LYST: variants seen among roughly 807,000 people sequenced by gnomAD.
LYST encodes the protein lysosomal trafficking regulator, also known as lysosomal-trafficking regulator.
In LYST, 192 loss-of-function variants were observed where a neutral mutation model predicts 413.6. That is an observed-to-expected ratio of 0.46 (90% CI 0.41 to 0.52). The LOEUF is 0.52. Among genes scored for constraint, LYST ranks in the 20% least tolerant of loss-of-function variants. The pLI is 0.00. For synonymous variants in LYST, 1,525 were observed against 1,567.3 expected (o/e 0.97, Z 0.64); for missense variants, 3,815 against 4,499.9 (o/e 0.85, Z 4.35).
intron 28 of LYST, among the ~76,000 whole-genome samples, chr1:235,747,545 G>T (rs1666047851): frequency 6.6e-6 from 1 of 151,142 alleles, no homozygotes; most frequent in African/African-American, 2.4e-5. Flanking sequence ...AAAAAAAAAA[G>T]AAAATACAAA....
chr1:235,783,058 G>T (rs1024155487), intron 14 of LYST, among the ~76,000 whole-genome samples: 1 of 152,156 alleles, frequency 6.6e-6, no homozygotes, highest in African/African-American at 2.4e-5. Context: ...TGAAACCACA[G>T]AGCTCTACCC....
Position 235,664,207 on chromosome 1 carries a change from G to T in LYST, c.11196-152C>A. ...TCTAGGGAGTTTGCAGGGGGTAGAT[G>T]TGGGAATAAGAGAACTTTTAACTTT... On this transcript the variant is annotated intron_variant, in intron 51 of 52. Coordinates refer to ENST00000389793, the MANE Select transcript of LYST (RefSeq NM_000081.4). The surrounding 1 kb of genome is among the most constrained non-coding windows in gnomAD (Gnocchi z 4.5). 1 of 729,210 alleles carries T rather than the reference G, an allele frequency of 1.4e-6. No individual in the cohort carries two copies. Among genetic ancestry groups the T allele is most frequent in the Non-Finnish European group, 2.4e-6 (1 of 424,470 alleles). 45.2% of individuals were successfully genotyped at this position (729,210 alleles called of 1,614,324 possible). A position where few individuals can be genotyped will look rare whatever the true frequency, so the allele number is the denominator to read the frequency against.
At chr1:235,847,338 G>A (rs1428610268) in intron 1 of LYST, among the ~76,000 whole-genome samples, 1 of 152,052 alleles carries the variant, frequency 6.6e-6, no homozygotes, top group East Asian at 1.9e-4. Flanking sequence ...GAGAGAATTC[G>A]CCATCACCAA....
At chr1:235,776,981 G>A (rs1669321580) in intron 17 of LYST, 82 bp downstream of exon 17, 1 of 1,255,060 alleles carries the variant, frequency 8.0e-7, no homozygotes, top group Non-Finnish European at 1.1e-6. Context: ...GCTTTTTCGT[G>A]TGGTCCAAAA....
chr1:235,834,914 C>A (rs1244024231), intron 1 of LYST, among the ~76,000 whole-genome samples: 1 of 151,970 alleles, frequency 6.6e-6, no homozygotes, highest in Non-Finnish European at 1.5e-5. Context: ...TAATCAATAT[C>A]ATGCAAATTT....
At chr1:235,753,887 C>G (rs1016665258) in intron 25 of LYST, among the ~76,000 whole-genome samples, 7 of 152,086 alleles carry the variant, frequency 4.6e-5, no homozygotes, top group African/African-American at 1.7e-4. Flanking sequence ...ATTGAAACTA[C>G]CATAACAATT....
chr1:235,664,051 A>G lies in LYST; in HGVS notation c.11200T>C (p.Trp3734Arg). Residue 3734 changes from tryptophan (W) to arginine (R), a missense_variant, in exon 52 of 53, where the codon TGG becomes CGG. Transcript: ENST00000389793. The surrounding 1 kb of genome is among the most constrained non-coding windows in gnomAD (Gnocchi z 4.5). Reference sequence around the variant, plus strand: ...ACAGGCTTTAAGTCCCATGTGCTCCATAACCTAGAGGGGAAAAAAATCATC... The same window carrying G: ...ACAGGCTTTAAGTCCCATGTGCTCCGTAACCTAGAGGGGAAAAAAATCATC... The part of the protein sequence containing the change: ...GGLENGIVRL[W>R]STWDLKPVRE... The G allele has an allele frequency of 6.2e-7, 1 of 1,611,888 alleles. No individual in the cohort carries two copies. The highest frequency in any genetic ancestry group is 8.5e-7 in the Non-Finnish European group (1 of 1,177,926).
intron 14 of LYST, among the ~76,000 whole-genome samples, chr1:235,785,458 AAATGT>A (rs1444263714): frequency 1.3e-5 from 2 of 152,218 alleles, no homozygotes; most frequent in Non-Finnish European, 2.9e-5. Context: ...ATTCCTCAAT[AAATGT>A]AATGAATGAA....
intron 28 of LYST, among the ~76,000 whole-genome samples, chr1:235,749,501 A>C (rs188663695): frequency 2.2e-4 from 33 of 152,246 alleles, no homozygotes; most frequent in Middle Eastern, 3.4e-3. Flanking sequence ...GGTGCAGGAC[A>C]CAAAGGGGTG....
intron 39 of LYST, among the ~76,000 whole-genome samples, chr1:235,723,469 T>G (rs1572074211): frequency 6.6e-6 from 1 of 152,068 alleles, no homozygotes; most frequent in East Asian, 1.9e-4. Context: ...GCTGGTAAGG[T>G]ATAAGAACTA....
intron 31 of LYST, chr1:235,737,915 G>GACAATGCT: frequency 1.8e-5 from 21 of 1,160,568 alleles, no homozygotes; most frequent in Admixed American, 1.3e-4. Context: ...CGCTGCCGAC[G>GACAATGCT]AGTCTGGATC....
At chr1:235,805,399 G>A (rs978344925) in intron 6 of LYST, among the ~76,000 whole-genome samples, 1 of 151,978 alleles carries the variant, frequency 6.6e-6, no homozygotes, top group Non-Finnish European at 1.5e-5. Context: ...CTGGAAGATG[G>A]GTGCTGATGC....
At chr1:235,667,684 T>G (rs1216678433) in intron 50 of LYST, among the ~76,000 whole-genome samples, 3 of 152,082 alleles carry the variant, frequency 2.0e-5, no homozygotes, top group Non-Finnish European at 4.4e-5. Flanking sequence ...TTTTTTCTTT[T>G]GAGATGGAGT....
intron 44 of LYST, among the ~76,000 whole-genome samples, chr1:235,708,062 A>T (rs2103115386): frequency 6.6e-6 from 1 of 152,322 alleles, no homozygotes; most frequent in African/African-American, 2.4e-5. Flanking sequence ...TATAGTAAGT[A>T]GCCATTAAAA....
rs577180316 is a variant in LYST, at chr1:235,728,100, A to C, written c.9138T>G (p.Asn3046Lys). Residue 3046 changes from asparagine to lysine, a missense_variant, in exon 38 of 53, where the codon AAT becomes AAG. By Grantham distance (94) the Asn-to-Lys change is moderately conservative (BLOSUM62 0). This residue lies in a region of LYST where 866 missense variants were observed against 1,156.0 expected (regional missense o/e 0.75). Transcript: ENST00000389793. ...CCGAACTTTCAACTGTATCAGAAGC[A>C]TTATCTTCCACAAAATACATTCCAC... Reference protein sequence around the residue: ...GKCGMYFVEDNASDTVESSSL... With the variant: ...GKCGMYFVEDKASDTVESSSL... The C allele has an allele frequency of 9.9e-6, 16 of 1,613,006 alleles. No homozygotes were observed. Among genetic ancestry groups the C allele is most frequent in the Non-Finnish European group, 1.4e-5 (16 of 1,179,104 alleles).
intron 28 of LYST, chr1:235,747,370 A>G: frequency 6.0e-6 from 2 of 335,658 alleles, no homozygotes; most frequent in South Asian, 4.5e-5. Context: ...CAATTTCTAT[A>G]AATAACCTCT....
chr1:235,706,129 T>C (rs1307096259), intron 44 of LYST, among the ~76,000 whole-genome samples: 1 of 152,114 alleles, frequency 6.6e-6, no homozygotes, highest in African/African-American at 2.4e-5. Context: ...TGGAATCAAA[T>C]GAAGCTCAAA....
intron 10 of LYST, among the ~76,000 whole-genome samples, chr1:235,795,346 G>A (rs1472914208): frequency 6.6e-6 from 1 of 152,020 alleles, no homozygotes; most frequent in Non-Finnish European, 1.5e-5. Context: ...GAGTGTAACT[G>A]TACAGTCTGC....
intron 14 of LYST, among the ~76,000 whole-genome samples, chr1:235,786,045 T>C (rs1394764110): frequency 6.6e-6 from 1 of 152,214 alleles, no homozygotes; most frequent in Admixed American, 6.5e-5. Context: ...CCTAATTTAA[T>C]TTAGGTATTA....
Sources: gnomAD v4.1 joint callset for allele counts (sites outside exome capture counted in the v4.1 genomes callset) on GRCh38, gnomAD v4.1.1 for gene constraint, gnomAD v4.1.1 regional missense constraint, Gnocchi (gnomAD v3.1) non-coding constraint, MANE v1.5 for transcripts, NCBI Gene and HGNC (gene_info 2026-07-23, HGNC 2026-07-21) for gene names.